The following DIAPH2 variants were observed in gnomAD, a reference collection of about 807,000 sequenced individuals.
The protein encoded by DIAPH2 is protein diaphanous homolog 2.
A neutral mutation model predicts 92.7 loss-of-function variants in DIAPH2; 35 were observed. The ratio of observed to expected loss-of-function variants is 0.38; its 90% CI spans 0.29 to 0.50. The LOEUF is 0.50. Among genes scored for constraint, DIAPH2 ranks in the 20% least tolerant of loss-of-function variants. The probability of loss-of-function intolerance (pLI) is 0.94; values close to 1 mark genes in which losing one functional copy is unlikely to be tolerated. For synonymous variants in DIAPH2, 301 were observed against 280.4 expected, an observed-to-expected ratio of 1.07 and a Z score of -0.73; for missense variants, 701 against 819.5, an observed-to-expected ratio of 0.86 and a Z score of 1.77.
At chrX:97,118,040 A>G (rs1181710159) in intron 21 of DIAPH2, among the ~76,000 whole-genome samples, 1 of 111,199 alleles carries the variant, frequency 9.0e-6, no homozygotes, top group East Asian at 2.8e-4. Flanking sequence ...CATTCCCTAT[A>G]TACTAAGCTT....
chrX:96,925,120 C>T (rs752188348), intron 9 of DIAPH2, among the ~76,000 whole-genome samples: 2 of 111,210 alleles, frequency 1.8e-5, no homozygotes, highest in East Asian at 5.7e-4. Flanking sequence ...CTTCAATTAA[C>T]TACCACTCAT....
chrX:97,371,488 T>C (rs748475790), intron 24 of DIAPH2, among the ~76,000 whole-genome samples: 4 of 111,409 alleles, frequency 3.6e-5, no homozygotes, highest in Non-Finnish European at 7.5e-5. Flanking sequence ...AACTGACAGC[T>C]TTTAGCGAGG....
chrX:96,785,352 G>A (rs1251203179), intron 4 of DIAPH2, among the ~76,000 whole-genome samples: 1 of 110,375 alleles, frequency 9.1e-6, no homozygotes, highest in Admixed American at 9.7e-5. Flanking sequence ...AGTCCAAGAT[G>A]AAGGTGATGG....
At chrX:96,999,456 G>A (rs2066127659) in intron 17 of DIAPH2, among the ~76,000 whole-genome samples, 1 of 93,839 alleles carries the variant, frequency 1.1e-5, no homozygotes, top group Non-Finnish European at 2.0e-5. Flanking sequence ...AGCTGAATTT[G>A]CACCACTGCA....
In DIAPH2 at chrX:96,713,529, C is replaced by T. The variant is rs1264238970; in HGVS notation, c.133-22229C>T. 2.7e-5 allele frequency among the ~76,000 whole-genome samples: 3 copies of T among 111,617 alleles called. No homozygotes were observed. In the East Asian group the frequency reaches 8.5e-4, roughly 32 times the overall value. ...CCAGAGTCCATAGTTCAGGTTCACT[C>T]TTGGTGTGCCTTGTGTGATTTTAGG... On this transcript the variant is annotated intron_variant, in intron 1 of 26. Transcript: ENST00000324765.
At chrX:97,454,727 C>T (rs1001303489) in intron 26 of DIAPH2, among the ~76,000 whole-genome samples, 9 of 109,972 alleles carry the variant, frequency 8.2e-5, no homozygotes, top group African/African-American at 2.0e-4. Flanking sequence ...TGGTGGTGCA[C>T]GCCTGTAGTC....
intron 4 of DIAPH2, among the ~76,000 whole-genome samples, chrX:96,829,575 C>CGTTG: frequency 9.1e-6 from 1 of 110,315 alleles, no homozygotes; most frequent in South Asian, 3.8e-4. Flanking sequence ...CTCACTGCAA[C>CGTTG]CTTCACCTCC....
chrX:97,412,816 A>C (rs2069891797), intron 25 of DIAPH2, among the ~76,000 whole-genome samples: 1 of 112,204 alleles, frequency 8.9e-6, no homozygotes, highest in African/African-American at 3.2e-5. Flanking sequence ...GAAATGGATA[A>C]ATTCCTGGAC....
intron 12 of DIAPH2, 150 bp downstream of exon 12, chrX:96,939,532 A>ATGTATATATATATATG (rs1569431070): frequency 2.3e-5 from 1 of 43,835 alleles, no homozygotes; most frequent in Non-Finnish European, 6.6e-5. Context: ...ATATATATGT[A>ATGTATATATATATATG]TATATATATG....
intron 26 of DIAPH2, among the ~76,000 whole-genome samples, chrX:97,467,714 T>C (rs2070525829): frequency 8.9e-6 from 1 of 112,292 alleles, no homozygotes; most frequent in African/African-American, 3.2e-5. Context: ...CTTGTGGCTC[T>C]GTGATGTTTT....
intron 4 of DIAPH2, among the ~76,000 whole-genome samples, chrX:96,810,003 C>A (rs1303266921): frequency 8.9e-6 from 1 of 112,208 alleles, no homozygotes; most frequent in Admixed American, 9.4e-5. Context: ...TTTATAGTAG[C>A]ATGATTTATA....
intron 23 of DIAPH2, among the ~76,000 whole-genome samples, chrX:97,321,817 G>C (rs2068899999): frequency 9.0e-6 from 1 of 111,270 alleles, no homozygotes; most frequent in African/African-American, 3.3e-5. Context: ...CCAAAGTGCT[G>C]GGATTACAGG....
intron 25 of DIAPH2, among the ~76,000 whole-genome samples, chrX:97,397,298 T>G (rs1452609643): frequency 4.5e-5 from 5 of 111,996 alleles, no homozygotes; most frequent in Non-Finnish European, 9.4e-5. Flanking sequence ...TGCAATTAAC[T>G]ATGGATGGCA....
intron 4 of DIAPH2, among the ~76,000 whole-genome samples, chrX:96,832,638 G>A (rs1412451342): frequency 9.0e-6 from 1 of 111,188 alleles, no homozygotes; most frequent in Non-Finnish European, 1.9e-5. Context: ...TTTGTATTTG[G>A]ATAGAAGAAA....
chrX:97,138,385 A>C (rs1281687958), intron 21 of DIAPH2, among the ~76,000 whole-genome samples: 1 of 110,766 alleles, frequency 9.0e-6, no homozygotes, highest in Non-Finnish European at 1.9e-5. Flanking sequence ...AAAAGAAATG[A>C]TCAAAATCAG....
chrX:96,995,723 T>C (rs2147851826), intron 17 of DIAPH2, among the ~76,000 whole-genome samples: 1 of 111,211 alleles, frequency 9.0e-6, no homozygotes, highest in Non-Finnish European at 1.9e-5. Context: ...AGGCAGTTAA[T>C]ACCTGAAGAG....
chrX:97,437,761 TACACACACACAC>T (rs58161143), intron 26 of DIAPH2, among the ~76,000 whole-genome samples: 9 of 95,731 alleles, frequency 9.4e-5, no homozygotes, highest in East Asian at 6.7e-4. Flanking sequence ...TACATGATTT[TACACACACACAC>T]ACACACACAC....
At chrX:96,999,843 T>C (rs903127732) in intron 17 of DIAPH2, among the ~76,000 whole-genome samples, 1 of 111,313 alleles carries the variant, frequency 9.0e-6, no homozygotes, top group African/African-American at 3.3e-5. Flanking sequence ...GGTGGTTTTT[T>C]TCCCATGCTG....
intron 7 of DIAPH2, 89 bp from the exon 8 acceptor site, chrX:96,916,348 GT>G: frequency 1.2e-6 from 1 of 868,768 alleles, no homozygotes. Context: ...GGGGGTATGG[GT>G]TTTTGGAAGA....
Sources: gnomAD v4.1 joint callset for allele counts (sites outside exome capture counted in the v4.1 genomes callset) on GRCh38, gnomAD v4.1.1 for gene constraint, MANE v1.5 for transcripts, NCBI Gene and HGNC (gene_info 2026-07-23, HGNC 2026-07-21) for gene names.